Variants in GABRA3 observed in about 807,000 individuals in gnomAD.
GABRA3 encodes the protein gamma-aminobutyric acid receptor subunit alpha-3.
GABRA3 carries 10 observed loss-of-function variants against 30.1 expected under a neutral mutation model. That is an observed-to-expected ratio of 0.33 (90% CI 0.20 to 0.56). The LOEUF (loss-of-function observed/expected upper bound fraction) is 0.56, where lower values mean the gene tolerates loss of function less well. Ranked by LOEUF, GABRA3 falls within the 20% of genes least tolerant of loss-of-function variation. GABRA3 has a pLI of 0.89. For synonymous variants in GABRA3, 151 were observed against 146.8 expected, an observed-to-expected ratio of 1.03 and a Z score of -0.21; for missense variants, 233 against 392.0, an observed-to-expected ratio of 0.59 and a Z score of 3.42.
At chrX:152,436,934 T>G (rs1047746880) in intron 1 of GABRA3, among the ~76,000 whole-genome samples, 2 of 111,287 alleles carry the variant, frequency 1.8e-5, no homozygotes, top group Non-Finnish European at 3.8e-5. Flanking sequence ...ACACATATCT[T>G]CTAAAGAATT....
At chrX:152,185,744 G>C (rs1436637269) in intron 9 of GABRA3, among the ~76,000 whole-genome samples, 1 of 111,757 alleles carries the variant, frequency 8.9e-6, no homozygotes, top group Non-Finnish European at 1.9e-5. Context: ...TAGGGCTTAT[G>C]CTCTCACTAG....
intron 3 of GABRA3, among the ~76,000 whole-genome samples, chrX:152,294,142 C>G (rs963843088): frequency 7.2e-5 from 8 of 111,081 alleles, no homozygotes; most frequent in African/African-American, 2.6e-4. Context: ...TTGTGGTCTT[C>G]TCTGTATTTC....
chrX:152,273,653 G>A (rs983850372), intron 4 of GABRA3, among the ~76,000 whole-genome samples: 14 of 112,032 alleles, frequency 1.2e-4, no homozygotes, highest in African/African-American at 4.2e-4. Context: ...GGATGGAACT[G>A]GAGGTCATTA....
chrX:152,390,383 A>T (rs1929444921), intron 1 of GABRA3, among the ~76,000 whole-genome samples: 1 of 112,715 alleles, frequency 8.9e-6, no homozygotes, highest in Non-Finnish European at 1.9e-5. Flanking sequence ...TGGCTATCTC[A>T]TTACAACAGT....
intron 3 of GABRA3, among the ~76,000 whole-genome samples, chrX:152,336,949 G>A (rs773217775): frequency 9.0e-6 from 1 of 111,247 alleles, no homozygotes; most frequent in Non-Finnish European, 1.9e-5. Context: ...ATTCAGATTT[G>A]ATTAATCCAT....
intron 1 of GABRA3, among the ~76,000 whole-genome samples, chrX:152,374,640 G>A (rs920373024): frequency 1.4e-4 from 16 of 111,474 alleles, no homozygotes; most frequent in Non-Finnish European, 2.6e-4. Context: ...GTGAGCCACC[G>A]CGCTTGGCCC....
At chrX:152,208,791 G>A (rs1169888871) in intron 6 of GABRA3, among the ~76,000 whole-genome samples, 2 of 111,554 alleles carry the variant, frequency 1.8e-5, no homozygotes, top group Non-Finnish European at 3.8e-5. Context: ...CTTTCACCAT[G>A]AGTAAAAGCT....
chrX:152,309,346 T>G (rs1939766814), intron 3 of GABRA3, among the ~76,000 whole-genome samples: 1 of 110,795 alleles, frequency 9.0e-6, no homozygotes. Flanking sequence ...CATCAGATTC[T>G]CAAAGGTCAA....
At chrX:152,274,111 T>C (rs1938998258) in intron 4 of GABRA3, among the ~76,000 whole-genome samples, 1 of 111,473 alleles carries the variant, frequency 9.0e-6, no homozygotes, top group African/African-American at 3.3e-5. Flanking sequence ...AAAATATCAT[T>C]ACACTAACAG....
chrX:152,304,903 T>C (rs1036859189), intron 3 of GABRA3, among the ~76,000 whole-genome samples: 2 of 111,794 alleles, frequency 1.8e-5, no homozygotes, highest in Admixed American at 1.9e-4. Context: ...TTGGGCAGTA[T>C]GGCCATTTCA....
In GABRA3 at chrX:152,281,734, T is replaced by C. The variant is rs376758698; in HGVS notation, c.330+2934A>G. ...CACTAATGTCTCCTGAGGAAAGCTA[T>C]TTTCACTCTTTATCTGCAGGGCTTG... On this transcript the variant is annotated intron_variant, in intron 4 of 9. Coordinates refer to ENST00000370314, the MANE Select transcript of GABRA3 (RefSeq NM_000808.4). 4.5e-5 allele frequency among the ~76,000 whole-genome samples: 5 copies of C among 111,618 alleles called. No homozygotes were observed. In the East Asian group the frequency reaches 1.1e-3, roughly 25 times the overall value.
intron 5 of GABRA3, among the ~76,000 whole-genome samples, chrX:152,250,262 A>G (rs1323712330): frequency 9.0e-6 from 1 of 111,491 alleles, no homozygotes; most frequent in Non-Finnish European, 1.9e-5. Context: ...ATCTGTGCAC[A>G]GGTCTCTTTA....
chrX:152,286,024 C>T (rs1465141663), intron 3 of GABRA3, among the ~76,000 whole-genome samples: 1 of 103,585 alleles, frequency 9.7e-6, no homozygotes, highest in Non-Finnish European at 1.9e-5. Context: ...ACAGCAGCTA[C>T]CCAGAGAAGT....
At position 152,380,985 on chromosome X, in the gene GABRA3, A is replaced by G. The variant is rs143724429; in HGVS notation, c.-26-16389T>C. ...TAGTGAGTGAATTCTTTATCTCTCA[A>G]GTCTGGATTGGTTCTTGGGGAAATA... On this transcript the variant is annotated intron_variant, in intron 1 of 9. Coordinates refer to ENST00000370314, the MANE Select transcript of GABRA3 (RefSeq NM_000808.4). Among the ~76,000 whole-genome samples, 440 of 111,481 alleles carry G rather than the reference A, an allele frequency of 3.9e-3. 1 individual carries two copies. The highest frequency in any genetic ancestry group is 0.013 in the African/African-American group (402 of 30,650).
At chrX:152,247,889 C>T (rs998392287) in intron 5 of GABRA3, among the ~76,000 whole-genome samples, 6 of 111,199 alleles carry the variant, frequency 5.4e-5, no homozygotes, top group African/African-American at 1.6e-4. Flanking sequence ...ACTCTCTAAC[C>T]CCTCCTCTCT....
At chrX:152,299,028 G>A (rs1017844308) in intron 3 of GABRA3, among the ~76,000 whole-genome samples, 25 of 111,833 alleles carry the variant, frequency 2.2e-4, no homozygotes, top group Admixed American at 2.0e-3. Flanking sequence ...CTACACTGTC[G>A]TTCCTAAGAA....
intron 3 of GABRA3, among the ~76,000 whole-genome samples, chrX:152,339,807 C>T (rs185967754): frequency 4.8e-4 from 53 of 111,447 alleles, no homozygotes; most frequent in African/African-American, 1.6e-3. Flanking sequence ...ATATTCTTTG[C>T]TCTCATGTCT....
intron 1 of GABRA3, among the ~76,000 whole-genome samples, chrX:152,418,424 C>A (rs1363594727): frequency 3.6e-5 from 4 of 111,083 alleles, no homozygotes; most frequent in African/African-American, 1.3e-4. Context: ...TCTAAATAAA[C>A]CATGGTGCAA....
chrX:152,227,380 T>C (rs9698665), intron 5 of GABRA3, among the ~76,000 whole-genome samples: 1 of 47,177 alleles, frequency 2.1e-5, no homozygotes, highest in Non-Finnish European at 3.6e-5. Context: ...TGGGGACTGT[T>C]GTGGGGTGGG....
Sources: allele counts gnomAD v4.1 joint callset (sites outside exome capture counted in the v4.1 genomes callset), GRCh38; gene constraint gnomAD v4.1.1; transcripts MANE v1.5; gene names NCBI Gene and HGNC (gene_info 2026-07-23, HGNC 2026-07-21).